The following UBR4 variants were observed in gnomAD, a reference collection of about 807,000 sequenced individuals.
The protein encoded by UBR4 is ubiquitin protein ligase E3 component n-recognin 4.
A neutral mutation model predicts 575.6 loss-of-function variants in UBR4; 124 were observed. The ratio of observed to expected loss-of-function variants is 0.22; its 90% CI spans 0.19 to 0.25. The LOEUF (loss-of-function observed/expected upper bound fraction) is 0.25, where lower values mean the gene tolerates loss of function less well. Among genes scored for constraint, UBR4 ranks in the 10% least tolerant of loss-of-function variants. UBR4 has a pLI of 1.00. For synonymous variants in UBR4, 2,455 were observed against 2,473.7 expected, an observed-to-expected ratio of 0.99 and a Z score of 0.22; for missense variants, 4,818 against 6,478.8, an observed-to-expected ratio of 0.74 and a Z score of 8.80.
Position 19,088,076 on chromosome 1 carries a change from T to TAAGGATA in UBR4, c.14431-154_14431-148dup. On this transcript the variant is annotated intron_variant, in intron 98 of 105. Transcript: ENST00000375254. The surrounding 1 kb of genome is among the most constrained non-coding windows in gnomAD (Gnocchi z 4.0). ...GGAAAGCCCTTGAGCTGTCTTCTAA[T>TAAGGATA]AAGGATAAAGACCCAGGCCCTTCTG... The TAAGGATA allele has an allele frequency of 1.6e-6, 1 of 610,568 alleles. No homozygotes were observed. Among genetic ancestry groups the TAAGGATA allele is most frequent in the South Asian group, 2.0e-5 (1 of 49,164 alleles). The allele number at this position is 610,568 out of a possible 1,614,324, so 37.8% of individuals were successfully genotyped here.
chr1:19,148,153 C>A, intron 50 of UBR4, 26 bp from the exon 51 acceptor site: 1 of 1,588,860 alleles, frequency 6.3e-7, no homozygotes, highest in Non-Finnish European at 8.6e-7. Flanking sequence ...GCAGGGTTAT[C>A]ACTAACCCCA....
intron 60 of UBR4, among the ~76,000 whole-genome samples, chr1:19,130,819 C>A (rs185398618): frequency 1.3e-5 from 2 of 152,296 alleles, no homozygotes; most frequent in East Asian, 3.9e-4. Flanking sequence ...AGTGAATACA[C>A]ACACATGAAG....
rs1381560741 is a variant in UBR4, at chr1:19,081,561, A to G, written c.15021T>C (p.Thr5007=). Reference sequence around the variant, plus strand: ...CTTGGAGGTTCTTCTCTTCTCGGGAAGTTGCTCGGGTTCTAGAAGAAAAGC... The same window carrying G: ...CTTGGAGGTTCTTCTCTTCTCGGGAGGTTGCTCGGGTTCTAGAAGAAAAGC... The part of the protein sequence containing the change: ...VLYVLNTTRA[T]SREEKNLQGF... The change falls in exon 103 of 106, where the codon ACT becomes ACC. Residue 5007 remains threonine (T), a synonymous_variant. Transcript: ENST00000375254. The G allele has an allele frequency of 6.2e-7, 1 of 1,613,944 alleles. No homozygotes were observed. The highest frequency in any genetic ancestry group is 1.1e-5 in the South Asian group (1 of 91,066).
At chr1:19,076,979 AT>A in intron 104 of UBR4, 77 bp from the exon 105 acceptor site, 1 of 1,467,784 alleles carries the variant, frequency 6.8e-7, no homozygotes, top group South Asian at 1.4e-5. Context: ...CAGTCAGGCC[AT>A]TTCAACCCCT....
intron 52 of UBR4, among the ~76,000 whole-genome samples, chr1:19,146,384 T>C (rs926102045): frequency 6.6e-6 from 1 of 152,154 alleles, no homozygotes; most frequent in Non-Finnish European, 1.5e-5. Context: ...ACAGGTTTGC[T>C]ACCCAGCCAA....
Position 19,105,750 on chromosome 1 carries a change from G to A in UBR4, c.12486C>T (p.Val4162=), listed in dbSNP as rs1482860576. The change falls in exon 84 of 106, where the codon GTC becomes GTT. Residue 4162 remains valine (V), a synonymous_variant. Coordinates refer to ENST00000375254, the MANE Select transcript of UBR4 (RefSeq NM_020765.3). ...LATIPSRKQQ[V]LDLLTSYLDE... ...AATGGTACCTGGTAAGCAGGTCCAG[G>A]ACCTGCTGCTTGCGGCTGGGAATGG... 1.9e-6 allele frequency: 3 copies of A among 1,608,494 alleles called. No individual in the cohort carries two copies. The highest frequency in any genetic ancestry group is 2.5e-6 in the Non-Finnish European group (3 of 1,177,908).
At chr1:19,095,470 G>T in intron 93 of UBR4, 75 bp downstream of exon 93, 1 of 1,394,434 alleles carries the variant, frequency 7.2e-7, no homozygotes. Flanking sequence ...TTTCATCTGA[G>T]CCCAGAACTG....
intron 61 of UBR4, 25 bp downstream of exon 61, chr1:19,128,953 G>C (rs1258173157): frequency 1.9e-6 from 3 of 1,598,560 alleles, no homozygotes; most frequent in Non-Finnish European, 2.6e-6. Context: ...TGACCTGACA[G>C]AGATCCAGGT....
chr1:19,097,359 A>G (rs1294201888), intron 90 of UBR4, 79 bp from the exon 91 acceptor site: 5 of 1,292,118 alleles, frequency 3.9e-6, no homozygotes, highest in Non-Finnish European at 5.3e-6. Context: ...GGTCTTGCTT[A>G]AAGCCCCAGC....
At chr1:19,123,150 G>C in intron 65 of UBR4, 90 bp from the exon 66 acceptor site, 1 of 1,390,996 alleles carries the variant, frequency 7.2e-7, no homozygotes, top group Non-Finnish European at 9.9e-7. Flanking sequence ...TTAATAAACT[G>C]TTATTAAAAG....
chr1:19,105,820 T>A lies in UBR4; in HGVS notation c.12416A>T (p.Gln4139Leu), dbSNP rs535698096. 3.1e-6 allele frequency: 5 copies of A among 1,604,962 alleles called. No homozygotes were observed. The African/African-American group carries it at 6.7e-5, about 22-fold the overall frequency. The stretch of plus-strand genomic sequence containing the variant: ...GGTACAGGCTGCCTGCCGTGCGGCC[T>A]GCGTTGCTGGAGTGAAAAGCACCTG... ...LRQVLFTPATQAARQAACTIV... is the reference protein window; with the variant it reads ...LRQVLFTPATLAARQAACTIV... Residue 4139 changes from glutamine (Q) to leucine (L), a missense_variant, in exon 84 of 106, where the codon CAG (glutamine) becomes CTG (leucine). By Grantham distance (113) the Gln-to-Leu change is moderately radical. Around this residue, in one of 29 missense-constraint regions of UBR4, gnomAD observed 178 missense variants for 175.5 expected, o/e 1.01. Transcript: ENST00000375254.
chr1:19,163,100 T>C (rs1557856347), intron 34 of UBR4, among the ~76,000 whole-genome samples: 2 of 152,228 alleles, frequency 1.3e-5, no homozygotes, highest in South Asian at 2.1e-4. Context: ...AGTTCATGCT[T>C]GCCTAGAAAA....
intron 32 of UBR4, 27 bp from the exon 33 acceptor site, chr1:19,164,468 T>G: frequency 6.2e-7 from 1 of 1,601,344 alleles, no homozygotes; most frequent in South Asian, 1.1e-5. Flanking sequence ...AGCAAGTTGG[T>G]GAATAATCAA....
intron 11 of UBR4, among the ~76,000 whole-genome samples, chr1:19,191,239 G>A (rs2092052112): frequency 6.6e-6 from 1 of 152,186 alleles, no homozygotes; most frequent in African/African-American, 2.4e-5. Context: ...GGAGGCTGAG[G>A]TGGGCAGATC....
intron 63 of UBR4, among the ~76,000 whole-genome samples, chr1:19,127,074 T>C (rs2081894503): frequency 6.6e-6 from 1 of 152,110 alleles, no homozygotes; most frequent in African/African-American, 2.4e-5. Flanking sequence ...TGTAGAGTCT[T>C]CCATAGAACC....
rs760128530 is a variant in UBR4 at position 19,164,963 on chromosome 1, G to A, written c.4347C>T (p.Leu1449=). 6 of 1,614,042 alleles carry A rather than the reference G, an allele frequency of 3.7e-6. No homozygotes were observed. In the Admixed American group the frequency reaches 8.3e-5, roughly 22 times the overall value. The part of the protein sequence containing the change: ...EKSPNPSLLH[L]CGSLAQLACV... ...AGGCCAGTTGTGCCAGGGAGCCACA[G>A]AGATGCAACAGGCTCGGGTTAGGGC... The change falls in exon 32 of 106, where the codon CTC becomes CTT. Residue 1449 remains leucine (L), a synonymous_variant. Coordinates refer to ENST00000375254, the MANE Select transcript of UBR4 (RefSeq NM_020765.3).
In UBR4 at chr1:19,146,834, A is replaced by T. The variant is rs762050274; in HGVS notation, c.7796T>A (p.Met2599Lys). Residue 2599 changes from methionine to lysine, a missense_variant, in exon 52 of 106, where the codon ATG becomes AAG. By Grantham distance (95) the Met-to-Lys change is moderately conservative. Coordinates refer to ENST00000375254, the MANE Select transcript of UBR4 (RefSeq NM_020765.3). ...VHFTESKLPQ[M>K]ETEGMDEGKE... ...ACAGAGGCCAAGTTCACCTGTTTCC[A>T]TCTGGGGCAGCTTTGACTCCGTAAA... 9 of 1,613,188 alleles carry T rather than the reference A, an allele frequency of 5.6e-6. No individual in the cohort carries two copies. The highest frequency in any genetic ancestry group is 1.7e-5 in the Admixed American group (1 of 59,948).
chr1:19,158,281 A>C (rs890655357), intron 39 of UBR4, among the ~76,000 whole-genome samples: 1 of 152,232 alleles, frequency 6.6e-6, no homozygotes, highest in African/African-American at 2.4e-5. Context: ...GTGACAGATG[A>C]CATTTGTTTT....
At position 19,086,659 on chromosome 1, in the gene UBR4, C is replaced by G; in HGVS notation, c.14687+20G>C. The G allele has an allele frequency of 6.2e-7, 1 of 1,612,204 alleles. No homozygotes were observed. Among genetic ancestry groups the G allele is most frequent in the Non-Finnish European group, 8.5e-7 (1 of 1,179,004 alleles). ...AGGCAGGCCTACTGAAGGAGCCATT[C>G]CGCAAGAGCCAGGGCCTACCTGACG... On this transcript the variant is annotated intron_variant, in intron 100 of 105. Coordinates refer to ENST00000375254, the MANE Select transcript of UBR4 (RefSeq NM_020765.3).
Sources: gnomAD v4.1 joint callset for allele counts (sites outside exome capture counted in the v4.1 genomes callset) on GRCh38, gnomAD v4.1.1 for gene constraint, gnomAD v4.1.1 regional missense constraint, Gnocchi (gnomAD v3.1) non-coding constraint, MANE v1.5 for transcripts, NCBI Gene and HGNC (gene_info 2026-07-23, HGNC 2026-07-21) for gene names.